Variants in MUC6 observed in about 807,000 individuals in gnomAD.
The protein encoded by MUC6 is mucin-6.
Under a neutral mutation model 201.5 loss-of-function variants are expected in MUC6, and 188 were observed. The observed-to-expected ratio is 0.93, with a 90% CI of 0.83 to 1.05. MUC6 has a LOEUF of 1.05. Ranked by LOEUF, MUC6 falls within the 50% of genes least tolerant of loss-of-function variation. The pLI is 0.00. For synonymous variants in MUC6, 1,228 were observed against 1,389.4 expected (o/e 0.88, Z 2.58); for missense variants, 2,706 against 3,256.9 (o/e 0.83, Z 4.12).
In MUC6 at chr11:1,027,505, G is replaced by T. The variant is rs368886191; in HGVS notation, c.1994C>A (p.Thr665Lys). 6.2e-7 allele frequency: 1 copy of T among 1,612,480 alleles called. No homozygotes were observed. Among genetic ancestry groups the T allele is most frequent in the African/African-American group, 1.3e-5 (1 of 75,044 alleles). The change falls in exon 17 of 33, where the codon ACG becomes AAG. Residue 665 changes from threonine (T) to lysine (K), a missense_variant. Physicochemically the swap from Thr to Lys is moderately conservative, Grantham distance 78 (BLOSUM62 -1). This residue lies in a region of MUC6 where 1,850 missense variants were observed against 1,958.3 expected (regional missense o/e 0.94). Coordinates refer to ENST00000421673, the MANE Select transcript of MUC6 (RefSeq NM_005961.3). ...SSVDNCTIPC[T>K]GNTTFSYNSQ... ...GTTGTAGCTGAAGGTGGTGTTACCC[G>T]TGCAGGGGATGGCTGTGGGGGACCC... is the stretch of plus-strand genomic sequence containing the variant.
chr11:1,035,500 A>G (rs906561064), intron 1 of MUC6, among the ~76,000 whole-genome samples: 38 of 127,332 alleles, frequency 3.0e-4, no homozygotes, highest in African/African-American at 1.2e-3. Context: ...CCGGCGTGGT[A>G]GGGAGCGGGC....
Position 1,018,398 on chromosome 11 carries a change from G to A in MUC6, c.4403C>T (p.Ala1468Val). 6.2e-7 allele frequency: 1 copy of A among 1,612,834 alleles called. No homozygotes were observed. ...STHTVITPTH[A>V]QMATSASNHS... ...GTTGGAGGCAGATGTGGCCATCTGT[G>A]CGTGGGTAGGGGTGATGACTGTGTG... The change falls in exon 31 of 33, where the codon GCA (alanine) becomes GTA (valine). Residue 1468 changes from alanine (A) to valine (V), a missense_variant. Ala to Val is a moderately conservative substitution (Grantham distance 64, BLOSUM62 0). This residue lies in a region of MUC6 where 128 missense variants were observed against 206.5 expected (regional missense o/e 0.62). Transcript: ENST00000421673.
chr11:1,026,029 C>T lies in MUC6; in HGVS notation c.2659G>A (p.Asp887Asn), dbSNP rs58887459. Reference protein sequence around the residue: ...ITFDGQRFVFDGNCEYILATD... With the variant: ...ITFDGQRFVFNGNCEYILATD... ...GCCAGGATGTACTCGCAGTTGCCGT[C>T]GAATACGAAGCGCTGGCCGTCGAAG... Residue 887 changes from aspartate (D) to asparagine (N), a missense_variant, in exon 21 of 33, where the codon GAC (aspartate) becomes AAC (asparagine). Asp to Asn is a conservative substitution (Grantham distance 23). Around this residue, in one of 10 missense-constraint regions of MUC6, gnomAD observed 1,850 missense variants for 1,958.3 expected, o/e 0.94. Coordinates refer to ENST00000421673, the MANE Select transcript of MUC6 (RefSeq NM_005961.3). 137 of 1,588,558 alleles carry T rather than the reference C, an allele frequency of 8.6e-5. No individual in the cohort carries two copies. The East Asian group carries it at 2.1e-3, about 24-fold the overall frequency.
Position 1,029,360 on chromosome 11 carries a change from G to A in MUC6, c.1143C>T (p.Cys381=), listed in dbSNP as rs780881997. The A allele has an allele frequency of 6.3e-7, 1 of 1,597,736 alleles. No individual in the cohort carries two copies. Among genetic ancestry groups the A allele is most frequent in the East Asian group, 2.3e-5 (1 of 44,394 alleles). Reference sequence around the variant, plus strand: ...CCGTGCACACCCAGCGGCCCAGGGTGCACCGGCTGTGGGTGGGCGTGGGGG... The same window carrying A: ...CCGTGCACACCCAGCGGCCCAGGGTACACCGGCTGTGGGTGGGCGTGGGGG... ...VTIAACQTCR[C]TLGRWVCTER... Residue 381 remains cysteine (C), a synonymous_variant, in exon 10 of 33, where the codon TGC becomes TGT. Transcript: ENST00000421673.
rs1413792446 is a variant in MUC6 at position 1,030,927 on chromosome 11, C to T, written c.684+20G>A. 2 of 1,554,108 alleles carry T rather than the reference C, an allele frequency of 1.3e-6. No individual in the cohort carries two copies. The highest frequency in any genetic ancestry group is 2.0e-5 in the Admixed American group (1 of 51,092). On this transcript the variant is annotated intron_variant, in intron 6 of 32. Coordinates refer to ENST00000421673, the MANE Select transcript of MUC6 (RefSeq NM_005961.3). ...CCTGTCAGACCTGGGGTCAGCCCCA[C>T]CTGGAGCCCCCTTGCTTACGTGCTG...
intron 25 of MUC6, 36 bp downstream of exon 25, chr11:1,023,911 G>T: frequency 6.2e-7 from 1 of 1,603,886 alleles, no homozygotes. Flanking sequence ...TGGGTGGCAG[G>T]GGCTGGAGCA....
In MUC6 at chr11:1,030,662, T is replaced by C. The variant is rs1255931560; in HGVS notation, c.803A>G (p.Asn268Ser). The C allele has an allele frequency of 6.5e-7, 1 of 1,550,138 alleles. No homozygotes were observed. The highest frequency in any genetic ancestry group is 8.7e-7 in the Non-Finnish European group (1 of 1,149,190). The change falls in exon 7 of 33, where the codon AAC becomes AGC. Residue 268 changes from asparagine to serine, a missense_variant. Physicochemically the swap from Asn to Ser is conservative, Grantham distance 46 (BLOSUM62 1). This residue lies in a region of MUC6 where 1,850 missense variants were observed against 1,958.3 expected (regional missense o/e 0.94). Transcript: ENST00000421673. Reference protein sequence around the residue: ...VAAAPQPGPQNSSCATLSEYS... With the variant: ...VAAAPQPGPQSSSCATLSEYS... ...CTCCGACAGGGTGGCACAACTGCTG[T>C]TCTGTGGGCCTGGCTGGGGGGCTGC...
intron 1 of MUC6, among the ~76,000 whole-genome samples, chr11:1,035,541 G>C (rs1857197213): frequency 6.6e-6 from 1 of 151,958 alleles, no homozygotes; most frequent in Admixed American, 6.5e-5. Flanking sequence ...TACAGTTGAA[G>C]GGTGGTGCCC....
intron 31 of MUC6, among the ~76,000 whole-genome samples, chr11:1,014,619 T>C (rs893434221): frequency 2.0e-5 from 3 of 152,112 alleles, no homozygotes; most frequent in Non-Finnish European, 4.4e-5. Flanking sequence ...AGTGGCAGCG[T>C]TGGCATTAGA....
Position 1,012,995 on chromosome 11 carries a change from C to A in MUC6, c.*461G>T. 1 of 157,618 alleles carries A rather than the reference C, an allele frequency of 6.3e-6. No individual in the cohort carries two copies. The highest frequency in any genetic ancestry group is 1.3e-5 in the Non-Finnish European group (1 of 75,570). 9.8% of individuals were successfully genotyped at this position (157,618 alleles called of 1,614,324 possible). ...CTGCCCTCCCTGACTCTGGGGATCT[C>A]CTCTTCTCTGTGCTGGTGGCTGCCT... On this transcript the variant is annotated 3_prime_UTR_variant, in exon 33 of 33. Transcript: ENST00000421673.
chr11:1,019,964 A>G (rs1445786711), intron 29 of MUC6, 126 bp downstream of exon 29: 4 of 1,265,202 alleles, frequency 3.2e-6, no homozygotes, highest in Non-Finnish European at 4.5e-6. Context: ...AGGAAGTTCT[A>G]CGCTGGGAAT....
Position 1,016,456 on chromosome 11 carries a change from A to C in MUC6, c.6345T>G (p.Ser2115Arg), listed in dbSNP as rs776954740. Residue 2115 changes from serine (S) to arginine (R), a missense_variant, in exon 31 of 33, where the codon AGT (serine) becomes AGG (arginine). By Grantham distance (110) the Ser-to-Arg change is moderately radical. This residue lies in a region of MUC6 where 586 missense variants were observed against 488.0 expected (regional missense o/e 1.20). Coordinates refer to ENST00000421673, the MANE Select transcript of MUC6 (RefSeq NM_005961.3). The stretch of plus-strand genomic sequence containing the variant: ...TTGTGGAAACAGGAGTGGTTGCAGA[A>C]CTCAAGTGGGGGAGTTGTGTGGTGA... ...SPITTQLPHL[S>R]SATTPVSTTN... The C allele has an allele frequency of 3.1e-6, 5 of 1,613,836 alleles. No individual in the cohort carries two copies. Among genetic ancestry groups the C allele is most frequent in the Non-Finnish European group, 4.2e-6 (5 of 1,179,862 alleles).
intron 7 of MUC6, 31 bp from the exon 8 acceptor site, chr11:1,030,366 T>TACCCCCCCCCCCCCCCCCCCCCCCCCC: frequency 6.7e-7 from 1 of 1,489,596 alleles, no homozygotes; most frequent in East Asian, 2.5e-5. Flanking sequence ...GGTGAGAGGG[T>TACCCCCCCCCCCCCCCCCCCCCCCCCC]CCCACCCCCC....
At position 1,020,806 on chromosome 11, in the gene MUC6, G is replaced by A. The variant is rs542724528; in HGVS notation, c.3590-72C>T. ...ACCCCGTGGGGCCTCTGGGAGCTCC[G>A]AGGGCCTGAGTCAGAGATGCTCACC... On this transcript the variant is annotated intron_variant, in intron 27 of 32. Coordinates refer to ENST00000421673, the MANE Select transcript of MUC6 (RefSeq NM_005961.3). 39 of 1,559,768 alleles carry A rather than the reference G, an allele frequency of 2.5e-5. No homozygotes were observed. In the African/African-American group the frequency reaches 4.2e-4, roughly 17 times the overall value.
At chr11:1,030,370 A>ACCCCCCCCCCCCCCCCCCTGC in intron 7 of MUC6, 35 bp from the exon 8 acceptor site, 3 of 992,836 alleles carry the variant, frequency 3.0e-6, no homozygotes, top group Non-Finnish European at 2.7e-6. Flanking sequence ...AGAGGGTCCC[A>ACCCCCCCCCCCCCCCCCCTGC]CCCCCCCCAC....
At chr11:1,030,379 A>G in intron 7 of MUC6, 44 bp from the exon 8 acceptor site, 1 of 842,116 alleles carries the variant, frequency 1.2e-6, no homozygotes, top group Non-Finnish European at 1.6e-6. Flanking sequence ...CACCCCCCCC[A>G]CCCCTCCCTG....
chr11:1,031,217 A>G lies in MUC6; in HGVS notation c.526T>C (p.Cys176Arg). The change falls in exon 5 of 33, where the codon TGC becomes CGC. Residue 176 changes from cysteine to arginine, a missense_variant. Cys to Arg is a radical substitution (Grantham distance 180). This residue lies in a region of MUC6 where 1,850 missense variants were observed against 1,958.3 expected (regional missense o/e 0.94). Coordinates refer to ENST00000421673, the MANE Select transcript of MUC6 (RefSeq NM_005961.3). ...RKYMGQMCGL[C>R]GNFDGKVTNE... is the part of the protein sequence containing the mutation. ...GTCACCTTCCCGTCAAAGTTCCCGC[A>G]GAGCCCGCACATCTGACCCATGTAC... 1.9e-6 allele frequency: 3 copies of G among 1,580,286 alleles called. No individual in the cohort carries two copies. Among genetic ancestry groups the G allele is most frequent in the Non-Finnish European group, 2.6e-6 (3 of 1,164,844 alleles).
Position 1,016,480 on chromosome 11 carries a change from G to T in MUC6, c.6321C>A (p.Ile2107=). 3.1e-6 allele frequency: 5 copies of T among 1,613,868 alleles called. No individual in the cohort carries two copies. The highest frequency in any genetic ancestry group is 4.2e-6 in the Non-Finnish European group (5 of 1,179,870). Residue 2107 remains isoleucine (I), a synonymous_variant, in exon 31 of 33, where the codon ATC becomes ATA. Transcript: ENST00000421673. ...AACTCAAGTGGGGGAGTTGTGTGGTGATAGGTGATGACGGTGGCCTTGAGC... is the reference window on the plus strand; with the variant it reads ...AACTCAAGTGGGGGAGTTGTGTGGTTATAGGTGATGACGGTGGCCTTGAGC... ...NSSSRPPSSP[I]TTQLPHLSSA...
rs200612197 is a variant in MUC6, at chr11:1,031,971, C to T, written c.198G>A (p.Thr66=). The change falls in exon 3 of 33, where the codon ACG becomes ACA. Residue 66 remains threonine (T), a synonymous_variant. Transcript: ENST00000421673. ...FDHHVYDFSG[T]CNYIFAATCK... The stretch of plus-strand genomic sequence containing the variant: ...AGGTGGCCGCGAAGATGTAGTTGCA[C>T]GTCCCCGAGAAGTCGTACACGTGGT... The T allele has an allele frequency of 4.5e-5, 73 of 1,613,638 alleles. No individual in the cohort carries two copies. The East Asian group carries it at 5.3e-4, about 12-fold the overall frequency.
Sources: allele counts gnomAD v4.1 joint callset (sites outside exome capture counted in the v4.1 genomes callset), GRCh38; gene constraint gnomAD v4.1.1; regional missense constraint gnomAD v4.1.1; transcripts MANE v1.5; gene names NCBI Gene and HGNC (gene_info 2026-07-23, HGNC 2026-07-21).